CCT3: variants seen among roughly 807,000 people sequenced by gnomAD.
The protein encoded by CCT3 is chaperonin containing TCP1 subunit 3, also known as T-complex protein 1 subunit gamma.
Under a neutral mutation model 65.3 loss-of-function variants are expected in CCT3, and 10 were observed. That is an observed-to-expected ratio of 0.15 (90% CI 0.09 to 0.26). The LOEUF (loss-of-function observed/expected upper bound fraction) is 0.26. Ranked by LOEUF, CCT3 falls within the 10% of genes least tolerant of loss-of-function variation. CCT3 has a pLI of 1.00. For missense variants in CCT3, 626 were observed against 708.7 expected, an observed-to-expected ratio of 0.88 and a Z score of 1.33; for synonymous variants, 225 against 242.3, an observed-to-expected ratio of 0.93 and a Z score of 0.66.
At chr1:156,337,650 C>G (rs1379890145) in intron 1 of CCT3, 1 of 167,230 alleles carries the variant, frequency 6.0e-6, no homozygotes, top group Admixed American at 5.7e-5. Context: ...ATTTACCAGA[C>G]CCTCTTTAAG....
chr1:156,326,762 C>G (rs1312762757), intron 5 of CCT3, among the ~76,000 whole-genome samples: 1 of 151,354 alleles, frequency 6.6e-6, no homozygotes, highest in Non-Finnish European at 1.5e-5. Context: ...TCTTTACTTT[C>G]TGGCTGGGAA....
At chr1:156,332,180 C>T (rs1476811247) in intron 5 of CCT3, among the ~76,000 whole-genome samples, 1 of 152,142 alleles carries the variant, frequency 6.6e-6, no homozygotes, top group East Asian at 1.9e-4. Context: ...CACATCCAGC[C>T]GATTTTTATT....
intron 12 of CCT3, 84 bp from the exon 13 acceptor site, chr1:156,310,773 T>G: frequency 6.6e-7 from 1 of 1,507,918 alleles, no homozygotes; most frequent in Non-Finnish European, 9.1e-7. Context: ...AATGGACCAG[T>G]ATGGAAGGGA....
At chr1:156,334,468 A>G (rs1463921413) in intron 4 of CCT3, among the ~76,000 whole-genome samples, 1 of 152,184 alleles carries the variant, frequency 6.6e-6, no homozygotes, top group Non-Finnish European at 1.5e-5. Flanking sequence ...GCCAGCAACC[A>G]TCAGAAGGGA....
At chr1:156,329,839 T>C (rs1665033385) in intron 5 of CCT3, among the ~76,000 whole-genome samples, 1 of 151,330 alleles carries the variant, frequency 6.6e-6, no homozygotes. Flanking sequence ...CTTGGGAGGC[T>C]GAGGCAGGAG....
chr1:156,318,355 T>G (rs1378771768), intron 8 of CCT3, among the ~76,000 whole-genome samples: 1 of 151,382 alleles, frequency 6.6e-6, no homozygotes, highest in East Asian at 1.9e-4. Context: ...TCCCAAGTAG[T>G]GGGGACTACA....
intron 1 of CCT3, chr1:156,337,172 A>T: frequency 2.6e-6 from 2 of 775,084 alleles, no homozygotes; most frequent in Non-Finnish European, 3.7e-6. Context: ...TGGGAGGCCG[A>T]GGTGGGCGGA....
At chr1:156,317,802 G>C (rs1664371600) in intron 8 of CCT3, among the ~76,000 whole-genome samples, 1 of 151,490 alleles carries the variant, frequency 6.6e-6, no homozygotes, top group Admixed American at 6.6e-5. Context: ...TCTGCCTCCT[G>C]GGTTCAAGCG....
chr1:156,310,794 T>A, intron 12 of CCT3, 105 bp from the exon 13 acceptor site: 1 of 1,455,184 alleles, frequency 6.9e-7, no homozygotes. Flanking sequence ...CAGGGAAAAA[T>A]GGCAATGACA....
chr1:156,321,781 G>A (rs1664563287), intron 6 of CCT3, among the ~76,000 whole-genome samples: 2 of 152,156 alleles, frequency 1.3e-5, no homozygotes, highest in South Asian at 4.1e-4. Context: ...GGCAGAGGTT[G>A]CAGTGACCTG....
Position 156,338,255 on chromosome 1 carries a change from G to T in CCT3, c.-71C>A. 6.6e-7 allele frequency: 1 copy of T among 1,505,000 alleles called. No individual in the cohort carries two copies. Among genetic ancestry groups the T allele is most frequent in the Non-Finnish European group, 9.1e-7 (1 of 1,103,498 alleles). 93.2% of individuals were successfully genotyped at this position (1,505,000 alleles called of 1,614,324 possible). ...AGAACCTTCTGGAGAGAGAGAACCAGACAGAAGCCCAGAAAACGCTGCCTC... is the reference window on the plus strand; with the variant it reads ...AGAACCTTCTGGAGAGAGAGAACCATACAGAAGCCCAGAAAACGCTGCCTC... On this transcript the variant is annotated 5_prime_UTR_variant, in exon 1 of 14. It adds an upstream start codon to the 5' untranslated region. Transcript: ENST00000295688.
intron 5 of CCT3, among the ~76,000 whole-genome samples, chr1:156,327,396 T>A (rs1664869539): frequency 1.3e-5 from 2 of 152,142 alleles, no homozygotes; most frequent in Non-Finnish European, 2.9e-5. Context: ...CCCTGCCTGA[T>A]TCTCCTGCCT....
chr1:156,334,462 G>A (rs1209673403), intron 4 of CCT3, among the ~76,000 whole-genome samples: 1 of 152,144 alleles, frequency 6.6e-6, no homozygotes, highest in Non-Finnish European at 1.5e-5. Context: ...AAGAAAGCCA[G>A]CAACCATCAG....
Position 156,325,194 on chromosome 1 carries a change from A to T in CCT3, c.305-105T>A, listed in dbSNP as rs1201165085. 3.7e-6 allele frequency: 3 copies of T among 814,210 alleles called. 1 individual carries two copies. The highest frequency in any genetic ancestry group is 1.5e-5 in the South Asian group (1 of 68,044). The allele number at this position is 814,210 out of a possible 1,614,324, so 50.4% of individuals were successfully genotyped here. On this transcript the variant is annotated intron_variant, in intron 5 of 13. Transcript: ENST00000295688. ...ATACTCTCCTAAATCAGACTCTCCC[A>T]AAAGGTATGACATTTGGCCATTCAT...
chr1:156,310,923 A>G, intron 12 of CCT3, 27 bp downstream of exon 12: 1 of 1,606,168 alleles, frequency 6.2e-7, no homozygotes, highest in Non-Finnish European at 8.5e-7. Flanking sequence ...CTGCTCCATC[A>G]AGAGAAAAGC....
Position 156,321,021 on chromosome 1 carries a change from G to C in CCT3, c.427C>G (p.Pro143Ala). 2 of 1,611,022 alleles carry C rather than the reference G, an allele frequency of 1.2e-6. No homozygotes were observed. Among genetic ancestry groups the C allele is most frequent in the Non-Finnish European group, 1.7e-6 (2 of 1,177,758 alleles). Residue 143 changes from proline (P) to alanine (A), a missense_variant, in exon 7 of 14, where the codon CCA becomes GCA. Physicochemically the swap from Pro to Ala is conservative, Grantham distance 27. Coordinates refer to ENST00000295688, the MANE Select transcript of CCT3 (RefSeq NM_005998.5). ...MISTLKKISI[P>A]VDISDSDMML... Reference sequence around the variant, plus strand: ...ATATCACTGTCACTGATGTCGACTGGGATACTAGAGAAAAGAAAACCAGAC... The same window carrying C: ...ATATCACTGTCACTGATGTCGACTGCGATACTAGAGAAAAGAAAACCAGAC...
At chr1:156,317,111 C>T in intron 10 of CCT3, 55 bp downstream of exon 10, 1 of 1,444,194 alleles carries the variant, frequency 6.9e-7, no homozygotes, top group Non-Finnish European at 9.8e-7. Flanking sequence ...TGTTACGCAA[C>T]TACAAAAAGG....
intron 5 of CCT3, among the ~76,000 whole-genome samples, chr1:156,330,615 T>C (rs1204867618): frequency 6.6e-6 from 1 of 151,790 alleles, no homozygotes; most frequent in Non-Finnish European, 1.5e-5. Flanking sequence ...TGAGCCAAGA[T>C]GATGCCACTG....
chr1:156,322,495 C>A (rs1302352659), intron 6 of CCT3, among the ~76,000 whole-genome samples: 1 of 151,842 alleles, frequency 6.6e-6, no homozygotes, highest in Admixed American at 6.6e-5. Flanking sequence ...GACCCCCCGC[C>A]ACCCCAAAAA....
Sources: gnomAD v4.1 joint callset for allele counts (sites outside exome capture counted in the v4.1 genomes callset) on GRCh38, gnomAD v4.1.1 for gene constraint, MANE v1.5 for transcripts, NCBI Gene and HGNC (gene_info 2026-07-23, HGNC 2026-07-21) for gene names.